Variants in CCNYL1 observed in about 807,000 individuals in gnomAD.
The protein encoded by CCNYL1 is cyclin-Y-like protein 1.
A neutral mutation model predicts 44.2 loss-of-function variants in CCNYL1; 16 were observed. The ratio of observed to expected loss-of-function variants is 0.36; its 90% CI spans 0.25 to 0.55. The LOEUF (loss-of-function observed/expected upper bound fraction) is 0.55. Ranked by LOEUF, CCNYL1 falls within the 20% of genes least tolerant of loss-of-function variation. The pLI is 0.85. For synonymous variants in CCNYL1, 159 were observed against 163.2 expected (o/e 0.97, Z 0.20); for missense variants, 348 against 451.8 (o/e 0.77, Z 2.08).
At chr2:207,737,971 C>CT (rs565299515) in intron 5 of CCNYL1, among the ~76,000 whole-genome samples, 5 of 151,884 alleles carry the variant, frequency 3.3e-5, no homozygotes, top group Non-Finnish European at 5.9e-5. Context: ...TCCAGCTTAA[C>CT]AGAAAACAGC....
At chr2:207,731,215 C>G (rs1303993071) in intron 3 of CCNYL1, among the ~76,000 whole-genome samples, 2 of 151,244 alleles carry the variant, frequency 1.3e-5, no homozygotes, top group Admixed American at 1.3e-4. Context: ...GCATTTACCT[C>G]TTATTTTAAA....
At chr2:207,732,966 A>C (rs1220270570) in intron 3 of CCNYL1, among the ~76,000 whole-genome samples, 1 of 152,226 alleles carries the variant, frequency 6.6e-6, no homozygotes, top group Non-Finnish European at 1.5e-5. Context: ...AGGTATGAGG[A>C]GGAAGAGTCC....
chr2:207,734,904 G>A lies in CCNYL1; in HGVS notation c.431+857G>A, dbSNP rs532538557. ...TCAAATTGTGTTTCAGCACAAACTG[G>A]ACTCTGACTCTGTCTAAAGTCCTGA... On this transcript the variant is annotated intron_variant, in intron 4 of 9. Transcript: ENST00000295414. 2.0e-5 allele frequency among the ~76,000 whole-genome samples: 3 copies of A among 152,124 alleles called. No homozygotes were observed. The South Asian group carries it at 6.2e-4, about 32-fold the overall frequency.
chr2:207,725,126 ATTT>A (rs34595478), intron 2 of CCNYL1, among the ~76,000 whole-genome samples: 1 of 135,394 alleles, frequency 7.4e-6, no homozygotes, highest in Non-Finnish European at 1.5e-5. Flanking sequence ...AGTAACATGG[ATTT>A]TTTTTTTTTT....
At position 207,722,457 on chromosome 2, in the gene CCNYL1, C is replaced by T. The variant is rs111714731; in HGVS notation, c.221-2343C>T. ...CATAGTAGCACATCTTGATTTGGGG[C>T]GGGGGAGGTGTGTGTGTGAAGCCTG... is the stretch of plus-strand genomic sequence containing the variant. On this transcript the variant is annotated intron_variant, in intron 1 of 9. Transcript: ENST00000295414. Among the ~76,000 whole-genome samples, 1,370 of 151,468 alleles carry T rather than the reference C, an allele frequency of 9.0e-3. 16 individuals are homozygous for T. Among genetic ancestry groups the T allele is most frequent in the African/African-American group, 0.028 (1,153 of 41,310 alleles).
chr2:207,744,890 A>T (rs1043445327), intron 7 of CCNYL1, among the ~76,000 whole-genome samples: 1 of 152,212 alleles, frequency 6.6e-6, no homozygotes, highest in Non-Finnish European at 1.5e-5. Context: ...ATGAAGGTGG[A>T]CATAGCAGGA....
At chr2:207,746,092 T>A (rs1232229083) in intron 7 of CCNYL1, among the ~76,000 whole-genome samples, 1 of 152,156 alleles carries the variant, frequency 6.6e-6, no homozygotes, top group Non-Finnish European at 1.5e-5. Flanking sequence ...TTCATGAAAT[T>A]GTCTCATAAA....
At chr2:207,723,291 A>G (rs2091655042) in intron 1 of CCNYL1, among the ~76,000 whole-genome samples, 1 of 152,184 alleles carries the variant, frequency 6.6e-6, no homozygotes, top group Non-Finnish European at 1.5e-5. Context: ...ATGTTCATAT[A>G]AGATTCTAAC....
At chr2:207,746,619 A>G (rs1043868524) in intron 7 of CCNYL1, among the ~76,000 whole-genome samples, 2 of 152,250 alleles carry the variant, frequency 1.3e-5, no homozygotes, top group African/African-American at 4.8e-5. Context: ...TCTGTAGAAC[A>G]TAAGAATAAA....
intron 8 of CCNYL1, among the ~76,000 whole-genome samples, chr2:207,747,801 G>A (rs62189198): frequency 1.6e-4 from 24 of 152,036 alleles, no homozygotes; most frequent in Non-Finnish European, 3.2e-4. Context: ...CTTGTGATTC[G>A]CCCGCCTCCG....
chr2:207,737,565 C>CCTG, intron 5 of CCNYL1, 119 bp downstream of exon 5: 2 of 722,896 alleles, frequency 2.8e-6, no homozygotes, highest in South Asian at 2.4e-5. Context: ...CAGTATTGAA[C>CCTG]TGAATCATTT....
chr2:207,716,136 T>G (rs1232316711), intron 1 of CCNYL1, among the ~76,000 whole-genome samples: 2 of 152,216 alleles, frequency 1.3e-5, no homozygotes, highest in African/African-American at 4.8e-5. Flanking sequence ...CCGATTTTAT[T>G]AGTACTCTTG....
At chr2:207,731,478 G>A (rs989720010) in intron 3 of CCNYL1, among the ~76,000 whole-genome samples, 1 of 152,096 alleles carries the variant, frequency 6.6e-6, no homozygotes, top group African/African-American at 2.4e-5. Context: ...TACCTGAAAT[G>A]ACATCTGTGA....
chr2:207,741,099 C>T (rs760898419), intron 6 of CCNYL1, among the ~76,000 whole-genome samples: 1 of 151,476 alleles, frequency 6.6e-6, no homozygotes, highest in Non-Finnish European at 1.5e-5. Context: ...ACTAAAAATA[C>T]AAAAAATTAG....
At chr2:207,732,833 C>G (rs974941074) in intron 3 of CCNYL1, among the ~76,000 whole-genome samples, 1 of 152,192 alleles carries the variant, frequency 6.6e-6, no homozygotes, top group Non-Finnish European at 1.5e-5. Context: ...GATACAAATG[C>G]AGATAAATTC....
chr2:207,756,070 T>G lies in CCNYL1; in HGVS notation c.*2372T>G, dbSNP rs1226108541. On this transcript the variant is annotated 3_prime_UTR_variant, in exon 10 of 10. Coordinates refer to ENST00000295414, the MANE Select transcript of CCNYL1 (RefSeq NM_001330218.2). ...GTTTATGGAATTCAGAGTTTGGAGA[T>G]TCAAGTATTGATTGCAGTTTTATTT... is the stretch of plus-strand genomic sequence containing the variant. 2.6e-5 allele frequency: 4 copies of G among 152,368 alleles called. No homozygotes were observed. In the East Asian group the frequency reaches 7.7e-4, roughly 29 times the overall value. The allele number at this position is 152,368 out of a possible 1,614,324, so 9.4% of individuals were successfully genotyped here.
chr2:207,745,275 GGAC>G (rs1448908262), intron 7 of CCNYL1, among the ~76,000 whole-genome samples: 1 of 152,154 alleles, frequency 6.6e-6, no homozygotes, highest in African/African-American at 2.4e-5. Context: ...GCAGTTGCGG[GGAC>G]AGTGTTCTGC....
At chr2:207,742,484 C>A in intron 7 of CCNYL1, 142 bp downstream of exon 7, 1 of 760,520 alleles carries the variant, frequency 1.3e-6, no homozygotes, top group South Asian at 2.1e-5. Flanking sequence ...TAAATACGTA[C>A]ATTCGCGTTT....
At chr2:207,723,138 C>T (rs922700380) in intron 1 of CCNYL1, among the ~76,000 whole-genome samples, 3 of 152,150 alleles carry the variant, frequency 2.0e-5, no homozygotes, top group Non-Finnish European at 4.4e-5. Context: ...ATAGTTTCCT[C>T]TAAAAGCAGT....
Sources: allele counts gnomAD v4.1 joint callset (sites outside exome capture counted in the v4.1 genomes callset), GRCh38; gene constraint gnomAD v4.1.1; transcripts MANE v1.5; gene names NCBI Gene and HGNC (gene_info 2026-07-23, HGNC 2026-07-21).